MARK3: variants seen among roughly 807,000 people sequenced by gnomAD.
MARK3 encodes the protein MAP/microtubule affinity-regulating kinase 3.
A neutral mutation model predicts 90.1 loss-of-function variants in MARK3; 46 were observed. That is an observed-to-expected ratio of 0.51 (90% CI 0.40 to 0.65). The LOEUF is 0.65. Among genes scored for constraint, MARK3 ranks in the 30% least tolerant of loss-of-function variants. The probability of loss-of-function intolerance (pLI) is 0.00; values close to 1 mark genes in which losing one functional copy is unlikely to be tolerated. For synonymous variants in MARK3, 321 were observed against 332.6 expected (o/e 0.97, Z 0.38); for missense variants, 818 against 947.2 (o/e 0.86, Z 1.79).
intron 2 of MARK3, among the ~76,000 whole-genome samples, chr14:103,408,445 T>C (rs748513875): frequency 1.3e-5 from 2 of 152,192 alleles, no homozygotes; most frequent in African/African-American, 2.4e-5. Flanking sequence ...CACCTCAGCC[T>C]CCCAGAGTGC....
rs527349575 is a variant in MARK3, at chr14:103,402,398, C to A, written c.52-2678C>A. Reference sequence around the variant, plus strand: ...TGAAACCCTGTCTCTACTAAAAATACAAAAATTAGCCGGGTATGGTGGCGC... The same window carrying A: ...TGAAACCCTGTCTCTACTAAAAATAAAAAAATTAGCCGGGTATGGTGGCGC... On this transcript the variant is annotated intron_variant, in intron 1 of 17. Coordinates refer to ENST00000429436, the MANE Select transcript of MARK3 (RefSeq NM_001128918.3). Among the ~76,000 whole-genome samples, 4 of 152,076 alleles carry A rather than the reference C, an allele frequency of 2.6e-5. No homozygotes were observed. The South Asian group carries it at 6.2e-4, about 24-fold the overall frequency.
chr14:103,412,144 G>A (rs55731474), intron 2 of MARK3: 473,695 of 1,326,262 alleles, frequency 0.36, 89,992 homozygotes, highest in Non-Finnish European at 0.39. Flanking sequence ...GGGCTTGCCC[G>A]TGGTGCTCTT....
intron 2 of MARK3, among the ~76,000 whole-genome samples, chr14:103,420,811 C>T (rs1263960537): frequency 1.3e-5 from 2 of 152,152 alleles, no homozygotes; most frequent in South Asian, 2.1e-4. Flanking sequence ...ATGCACATCC[C>T]TAGTTGAGGT....
chr14:103,464,045 T>G (rs2093453673), intron 7 of MARK3, among the ~76,000 whole-genome samples: 1 of 152,218 alleles, frequency 6.6e-6, no homozygotes, highest in South Asian at 2.1e-4. Flanking sequence ...TGCTTTGATT[T>G]CACTTCATCT....
rs1451126149 is a variant in MARK3 at position 103,429,716 on chromosome 14, A to G, written c.297+1276A>G. Among the ~76,000 whole-genome samples, 8 of 152,214 alleles carry G rather than the reference A, an allele frequency of 5.3e-5. 1 individual carries two copies. In the South Asian group the frequency reaches 8.3e-4, roughly 16 times the overall value. ...ATTTTATCTATTTCCTTAAACTTCC[A>G]TATCTTCAGCTATCTAAGGATTTGG... On this transcript the variant is annotated intron_variant, in intron 3 of 17. Transcript: ENST00000429436.
intron 17 of MARK3, 101 bp downstream of exon 17, chr14:103,500,301 G>C (rs568256983): frequency 1.1e-6 from 1 of 876,208 alleles, no homozygotes; most frequent in African/African-American, 1.7e-5. Flanking sequence ...TATTCCTGCT[G>C]TCTCTGTAGG....
chr14:103,478,802 G>A (rs1162452990), intron 13 of MARK3, among the ~76,000 whole-genome samples: 1 of 151,992 alleles, frequency 6.6e-6, no homozygotes, highest in Non-Finnish European at 1.5e-5. Flanking sequence ...GCCTCCCAAA[G>A]CGCTGGGATT....
Position 103,466,110 on chromosome 14 carries a change from ACAAG to A in MARK3, c.897+22_897+25del. On this transcript the variant is annotated intron_variant, in intron 9 of 17. Coordinates refer to ENST00000429436, the MANE Select transcript of MARK3 (RefSeq NM_001128918.3). ...TCTAGAGGTAATCATGTAGGTGGAAACAAGCAGTAACTTTGGAGAGTCTTTAGAG... is the reference window on the plus strand; with the variant it reads ...TCTAGAGGTAATCATGTAGGTGGAAACAGTAACTTTGGAGAGTCTTTAGAG... The A allele has an allele frequency of 6.2e-7, 1 of 1,611,894 alleles. No homozygotes were observed. Among genetic ancestry groups the A allele is most frequent in the Non-Finnish European group, 8.5e-7 (1 of 1,179,266 alleles).
At chr14:103,391,806 CCT>C (rs1181499520) in intron 1 of MARK3, among the ~76,000 whole-genome samples, 1 of 151,184 alleles carries the variant, frequency 6.6e-6, no homozygotes, top group Non-Finnish European at 1.5e-5. Flanking sequence ...GATCCGCCCG[CCT>C]TGGCCTCCCA....
At chr14:103,501,610 A>T (rs1282663986) in intron 17 of MARK3, among the ~76,000 whole-genome samples, 1 of 151,894 alleles carries the variant, frequency 6.6e-6, no homozygotes, top group Non-Finnish European at 1.5e-5. Flanking sequence ...CTCTCCTCAG[A>T]TGCAGGCCCA....
chr14:103,475,893 G>A (rs1263889238), intron 13 of MARK3, among the ~76,000 whole-genome samples: 1 of 151,196 alleles, frequency 6.6e-6, no homozygotes, highest in Non-Finnish European at 1.5e-5. Context: ...ACAGTGAGCC[G>A]AGATCGCATC....
chr14:103,438,487 G>A (rs1286403437), intron 3 of MARK3, among the ~76,000 whole-genome samples: 2 of 152,104 alleles, frequency 1.3e-5, no homozygotes, highest in Admixed American at 1.3e-4. Context: ...TTTCCATATG[G>A]GAAGGATAAC....
intron 2 of MARK3, among the ~76,000 whole-genome samples, chr14:103,424,754 T>C (rs1357937285): frequency 6.6e-6 from 1 of 152,066 alleles, no homozygotes; most frequent in African/African-American, 2.4e-5. Context: ...AACGGTTTCA[T>C]TGGAATTGGG....
At chr14:103,406,471 A>G (rs1404979470) in intron 2 of MARK3, among the ~76,000 whole-genome samples, 3 of 151,594 alleles carry the variant, frequency 2.0e-5, no homozygotes, top group Admixed American at 2.0e-4. Flanking sequence ...TCCTGACCTC[A>G]GGTGATCTGC....
chr14:103,452,463 G>A (rs1342313305), intron 5 of MARK3, among the ~76,000 whole-genome samples: 3 of 121,800 alleles, frequency 2.5e-5, no homozygotes, highest in Non-Finnish European at 5.7e-5. Context: ...GAATTTTACA[G>A]GATTTGTCTT....
At chr14:103,453,432 C>T (rs988055614) in intron 5 of MARK3, among the ~76,000 whole-genome samples, 1 of 152,096 alleles carries the variant, frequency 6.6e-6, no homozygotes, top group Non-Finnish European at 1.5e-5. Context: ...GTTACAAAAC[C>T]TGAAGATAGA....
chr14:103,462,649 T>C (rs2093424375), intron 7 of MARK3, among the ~76,000 whole-genome samples, 188 bp downstream of exon 7: 1 of 152,192 alleles, frequency 6.6e-6, no homozygotes, highest in African/African-American at 2.4e-5. Flanking sequence ...TTATTGAAAG[T>C]ATTTTACATT....
At position 103,491,986 on chromosome 14, in the gene MARK3, G is replaced by C. The variant is rs376631511; in HGVS notation, c.1796G>C (p.Arg599Pro). Residue 599 changes from arginine (R) to proline (P), a missense_variant, in exon 15 of 18, where the codon CGA becomes CCA. By Grantham distance (103) the Arg-to-Pro change is moderately radical (BLOSUM62 -2). This residue lies in a region of MARK3 where 560 missense variants were observed against 613.5 expected (regional missense o/e 0.91). Coordinates refer to ENST00000429436, the MANE Select transcript of MARK3 (RefSeq NM_001128918.3). ...ACACCATTGTCCCAGACTCGAAGCC[G>C]AGGCTCCACTAATCTCTTTAGTAAA... The part of the protein sequence containing the change: ...EATPLSQTRS[R>P]GSTNLFSKLT... 6.2e-7 allele frequency: 1 copy of C among 1,614,186 alleles called. No individual in the cohort carries two copies. Among genetic ancestry groups the C allele is most frequent in the Non-Finnish European group, 8.5e-7 (1 of 1,180,044 alleles).
intron 6 of MARK3, among the ~76,000 whole-genome samples, chr14:103,460,073 C>CT (rs571611660): frequency 0.19 from 7,649 of 41,156 alleles, 2,427 homozygotes; most frequent in Non-Finnish European, 0.24. Flanking sequence ...CCAGCTCCAT[C>CT]TTTTTTTTTT....
Sources: allele counts gnomAD v4.1 joint callset (sites outside exome capture counted in the v4.1 genomes callset), GRCh38; gene constraint gnomAD v4.1.1; regional missense constraint gnomAD v4.1.1; transcripts MANE v1.5; gene names NCBI Gene and HGNC (gene_info 2026-07-23, HGNC 2026-07-21).